ASB18: variants seen among roughly 807,000 people sequenced by gnomAD.
ASB18 encodes the protein ankyrin repeat and SOCS box containing 18, also known as ankyrin repeat and SOCS box protein 18.
Under a neutral mutation model 33.4 loss-of-function variants are expected in ASB18, and 33 were observed. That is an observed-to-expected ratio of 0.99 (90% CI 0.75 to 1.32). The LOEUF is 1.32. Among genes scored for constraint, ASB18 ranks in the 40% most tolerant of loss-of-function variants. The pLI is 0.00. For synonymous variants in ASB18, 295 were observed against 307.6 expected (o/e 0.96, Z 0.43); for missense variants, 694 against 655.5 (o/e 1.06, Z -0.64).
In ASB18 at chr2:236,196,246, G is replaced by A; in HGVS notation, c.1215+26C>T. 6.9e-6 allele frequency: 9 copies of A among 1,306,910 alleles called. No individual in the cohort carries two copies. The highest frequency in any genetic ancestry group is 9.7e-6 in the Non-Finnish European group (9 of 923,480). The allele number at this position is 1,306,910 out of a possible 1,614,324, so 81.0% of individuals were successfully genotyped here. On this transcript the variant is annotated intron_variant, in intron 5 of 5. Transcript: ENST00000409749. The surrounding 1 kb of genome is among the most constrained non-coding windows in gnomAD (Gnocchi z 5.6). ...AAACAGACAAAAGTTTTGTACTAAA[G>A]ATGGGCAGAAAGGCAGCCCTCTTGC...
In ASB18 at chr2:236,244,272, G is replaced by C. The variant is rs532860862; in HGVS notation, c.206-2870C>G. ...GAGCAGAGGCTGGAGGGAGGTGAAA[G>C]GGTCAGGAGGGCTTTGCCTGGATGA... On this transcript the variant is annotated intron_variant, in intron 1 of 5. Transcript: ENST00000409749. This position sits in a 1 kb window ranked among gnomAD's most constrained non-coding sequence, Gnocchi z 6.1. 2.0e-5 allele frequency among the ~76,000 whole-genome samples: 3 copies of C among 152,370 alleles called. No homozygotes were observed. In the East Asian group the frequency reaches 5.8e-4, roughly 29 times the overall value.
rs2060735795 is a variant in ASB18 at position 236,264,233 on chromosome 2, G to A, written c.113C>T (p.Thr38Ile). ...CACAGCGTCCACAGGCGTGATTTCAGTGCAGATTAAATCCCTCACTCTCTC... is the reference window on the plus strand; with the variant it reads ...CACAGCGTCCACAGGCGTGATTTCAATGCAGATTAAATCCCTCACTCTCTC... ...DEERVRDLIC[T>I]EITPVDAVIE... The change falls in exon 1 of 6, where the codon ACT (threonine) becomes ATT (isoleucine). Residue 38 changes from threonine to isoleucine, a missense_variant. Physicochemically the swap from Thr to Ile is moderately conservative, Grantham distance 89. Transcript: ENST00000409749. The surrounding 1 kb of genome is among the most constrained non-coding windows in gnomAD (Gnocchi z 5.1). 1 of 1,613,840 alleles carries A rather than the reference G, an allele frequency of 6.2e-7. No individual in the cohort carries two copies. The highest frequency in any genetic ancestry group is 1.3e-5 in the African/African-American group (1 of 74,922).
intron 1 of ASB18, among the ~76,000 whole-genome samples, chr2:236,243,057 G>A (rs1260849726): frequency 1.4e-5 from 2 of 139,318 alleles, no homozygotes; most frequent in Non-Finnish European, 1.5e-5. Context: ...AGGGCTGGGC[G>A]CAGTGGCTCA....
At position 236,194,938 on chromosome 2, in the gene ASB18, G is replaced by T; in HGVS notation, c.1335C>A (p.Pro445=). Residue 445 remains proline, a synonymous_variant, in exon 6 of 6, where the codon CCC becomes CCA. Transcript: ENST00000409749. This position sits in a 1 kb window ranked among gnomAD's most constrained non-coding sequence, Gnocchi z 4.5. Reference sequence around the variant, plus strand: ...GCAGGGGCTTTGGCAAGGGTAACAGGGGGATGAGGTCAAAGCACCTTTTGC... The same window carrying T: ...GCAGGGGCTTTGGCAAGGGTAACAGTGGGATGAGGTCAAAGCACCTTTTGC... The part of the protein sequence containing the change: ...LFGKRCFDLI[P]LLPLPKPLQN... 2 of 1,613,868 alleles carry T rather than the reference G, an allele frequency of 1.2e-6. No homozygotes were observed. Among genetic ancestry groups the T allele is most frequent in the Non-Finnish European group, 1.7e-6 (2 of 1,179,854 alleles).
rs1375110674 is a variant in ASB18 at position 236,205,619 on chromosome 2, ATG to A, written c.1101+8741_1101+8742del. 6.6e-6 allele frequency among the ~76,000 whole-genome samples: 1 copy of A among 152,198 alleles called. No individual in the cohort carries two copies. Among genetic ancestry groups the A allele is most frequent in the Non-Finnish European group, 1.5e-5 (1 of 68,038 alleles). On this transcript the variant is annotated intron_variant, in intron 4 of 5. Coordinates refer to ENST00000409749, the MANE Select transcript of ASB18 (RefSeq NM_212556.4). This position sits in a 1 kb window ranked among gnomAD's most constrained non-coding sequence, Gnocchi z 5.4. ...CCTTATCTGTTCACTCACTTATCCTATGTGCCTAGTATATTGCTGGGACATGA... is the reference window on the plus strand; with the variant it reads ...CCTTATCTGTTCACTCACTTATCCTATGCCTAGTATATTGCTGGGACATGA...
In ASB18 at chr2:236,221,152, C is replaced by T. The variant is rs1036825138; in HGVS notation, c.597-6286G>A. Among the ~76,000 whole-genome samples the T allele has an allele frequency of 1.3e-5, 2 of 152,140 alleles. No homozygotes were observed. Among genetic ancestry groups the T allele is most frequent in the African/African-American group, 4.8e-5 (2 of 41,434 alleles). On this transcript the variant is annotated intron_variant, in intron 3 of 5. Coordinates refer to ENST00000409749, the MANE Select transcript of ASB18 (RefSeq NM_212556.4). The surrounding 1 kb of genome is among the most constrained non-coding windows in gnomAD (Gnocchi z 5.6). Reference sequence around the variant, plus strand: ...CAGTGTGTCCTGTTTGGGATATGAACTCCAGCCCCCACTATCCAGTGGTGA... The same window carrying T: ...CAGTGTGTCCTGTTTGGGATATGAATTCCAGCCCCCACTATCCAGTGGTGA...
chr2:236,236,624 A>AG (rs143429101), intron 3 of ASB18, among the ~76,000 whole-genome samples: 29,636 of 151,578 alleles, frequency 0.2, 3,005 homozygotes, highest in South Asian at 0.25. Context: ...TGGCCCCCTG[A>AG]TCCCCCCTCT....
Position 236,209,858 on chromosome 2 carries a change from T to C in ASB18, c.1101+4504A>G, listed in dbSNP as rs2060451017. ...TCCTCTCCAACGACTAGCTCATTTT[T>C]CCAACTGCACACATTGCCGTGCCTG... On this transcript the variant is annotated intron_variant, in intron 4 of 5. Transcript: ENST00000409749. The surrounding 1 kb of genome is among the most constrained non-coding windows in gnomAD (Gnocchi z 4.4). Among the ~76,000 whole-genome samples the C allele has an allele frequency of 2.6e-5, 4 of 152,224 alleles. No individual in the cohort carries two copies. The highest frequency in any genetic ancestry group is 2.0e-4 in the Admixed American group (3 of 15,280).
Position 236,264,297 on chromosome 2 carries a change from C to T in ASB18, c.49G>A (p.Val17Met). The T allele has an allele frequency of 6.2e-7, 1 of 1,613,946 alleles. No homozygotes were observed. The highest frequency in any genetic ancestry group is 1.3e-5 in the African/African-American group (1 of 75,058). Residue 17 changes from valine (V) to methionine (M), a missense_variant, in exon 1 of 6, where the codon GTG becomes ATG. Physicochemically the swap from Val to Met is conservative, Grantham distance 21. Transcript: ENST00000409749. The surrounding 1 kb of genome is among the most constrained non-coding windows in gnomAD (Gnocchi z 5.1). ...TCCAGGGCAGACTTTAATCTCTTCACTAAATCTGAGTTGAGTGGGTAGTCG... is the reference window on the plus strand; with the variant it reads ...TCCAGGGCAGACTTTAATCTCTTCATTAAATCTGAGTTGAGTGGGTAGTCG... Reference protein sequence around the residue: ...LPDYPLNSDLVKRLKSALDAK... With the variant: ...LPDYPLNSDLMKRLKSALDAK...
At chr2:236,254,824 T>G (rs1372218878) in intron 1 of ASB18, among the ~76,000 whole-genome samples, 1 of 152,106 alleles carries the variant, frequency 6.6e-6, no homozygotes, top group Non-Finnish European at 1.5e-5. Context: ...TCATGCCAAT[T>G]ATCATTCCCA....
Position 236,250,358 on chromosome 2 carries a change from C to T in ASB18, c.206-8956G>A, listed in dbSNP as rs2060663359. The T allele has an allele frequency of 6.6e-6, 1 of 152,216 alleles. No individual in the cohort carries two copies. The highest frequency in any genetic ancestry group is 1.5e-5 in the Non-Finnish European group (1 of 68,046). 9.4% of individuals were successfully genotyped at this position (152,216 alleles called of 1,614,324 possible). A position where few individuals can be genotyped will look rare whatever the true frequency, so the allele number is the denominator to read the frequency against. ...GCTGCAGGACACCCTGCCATTTTCT[C>T]TTGTTCTTGGGGAATGGCAAATGTT... On this transcript the variant is annotated intron_variant, in intron 1 of 5. Coordinates refer to ENST00000409749, the MANE Select transcript of ASB18 (RefSeq NM_212556.4). The surrounding 1 kb of genome is among the most constrained non-coding windows in gnomAD (Gnocchi z 4.1).
chr2:236,228,062 A>G lies in ASB18; in HGVS notation c.596+9627T>C, dbSNP rs776647290. Among the ~76,000 whole-genome samples, 2 of 152,232 alleles carry G rather than the reference A, an allele frequency of 1.3e-5. No homozygotes were observed. Among genetic ancestry groups the G allele is most frequent in the African/African-American group, 2.4e-5 (1 of 41,466 alleles). On this transcript the variant is annotated intron_variant, in intron 3 of 5. Transcript: ENST00000409749. The surrounding 1 kb of genome is among the most constrained non-coding windows in gnomAD (Gnocchi z 5.1). Reference sequence around the variant, plus strand: ...TAAATGGAATTTCTATAATTTTTTCACAAGATGATACCTTTTTACATCCCA... The same window carrying G: ...TAAATGGAATTTCTATAATTTTTTCGCAAGATGATACCTTTTTACATCCCA...
rs969885342 is a variant in ASB18, at chr2:236,215,037, A to G, written c.597-171T>C. 6.6e-6 allele frequency among the ~76,000 whole-genome samples: 1 copy of G among 151,916 alleles called. No individual in the cohort carries two copies. The highest frequency in any genetic ancestry group is 2.4e-5 in the African/African-American group (1 of 41,336). On this transcript the variant is annotated intron_variant, in intron 3 of 5. Coordinates refer to ENST00000409749, the MANE Select transcript of ASB18 (RefSeq NM_212556.4). This position sits in a 1 kb window ranked among gnomAD's most constrained non-coding sequence, Gnocchi z 7.2. ...CTAAACTGGAAAAAAAAAAAAAAAA[A>G]AAGAGATTATGGCAAAACCAGCTCC...
rs908862884 is a variant in ASB18 at position 236,231,357 on chromosome 2, G to T, written c.596+6332C>A. 3.9e-5 allele frequency among the ~76,000 whole-genome samples: 6 copies of T among 152,108 alleles called. No individual in the cohort carries two copies. Among genetic ancestry groups the T allele is most frequent in the Non-Finnish European group, 2.9e-5 (2 of 68,022 alleles). On this transcript the variant is annotated intron_variant, in intron 3 of 5. Transcript: ENST00000409749. This position sits in a 1 kb window ranked among gnomAD's most constrained non-coding sequence, Gnocchi z 5.5. ...TCCCAATGTAATAGTATTAAGAGGT[G>T]GGTCATTAGGAAGTGATTAGGCCCT...
chr2:236,227,992 G>A (rs969793932), intron 3 of ASB18, among the ~76,000 whole-genome samples: 9 of 152,326 alleles, frequency 5.9e-5, no homozygotes, highest in Admixed American at 5.2e-4. Flanking sequence ...ATGCTTGCAG[G>A]AATGGAGTCA....
chr2:236,224,728 G>A (rs1253481863), intron 3 of ASB18, among the ~76,000 whole-genome samples: 2 of 152,194 alleles, frequency 1.3e-5, no homozygotes, highest in South Asian at 4.1e-4. Flanking sequence ...GCAGGCCTGA[G>A]AGGCTCAGAG....
In ASB18 at chr2:236,252,378, G is replaced by A. The variant is rs933821398; in HGVS notation, c.206-10976C>T. ...GCAGACGTGGCCACCATCAACTAGC[G>A]GTGGAATCAGATCACTGCTATATGG... On this transcript the variant is annotated intron_variant, in intron 1 of 5. Coordinates refer to ENST00000409749, the MANE Select transcript of ASB18 (RefSeq NM_212556.4). The surrounding 1 kb of genome is among the most constrained non-coding windows in gnomAD (Gnocchi z 7.9). Among the ~76,000 whole-genome samples, 12 of 151,882 alleles carry A rather than the reference G, an allele frequency of 7.9e-5. No individual in the cohort carries two copies. Among genetic ancestry groups the A allele is most frequent in the African/African-American group, 1.9e-4 (8 of 41,442 alleles).
rs199792062 is a variant in ASB18, at chr2:236,264,190, G to C, written c.156C>G (p.Asp52Glu). Residue 52 changes from aspartate to glutamate, a missense_variant, in exon 1 of 6, where the codon GAC becomes GAG. Coordinates refer to ENST00000409749, the MANE Select transcript of ASB18 (RefSeq NM_212556.4). This position sits in a 1 kb window ranked among gnomAD's most constrained non-coding sequence, Gnocchi z 5.1. ...GAGCCGAGGGGTCTTTCATCCAGTC[G>C]TCATTGGCCAGTTCTATCACAGCGT... ...PVDAVIELAN[D>E]DWMKDPSAQL... The C allele has an allele frequency of 1.9e-6, 3 of 1,613,950 alleles. No homozygotes were observed. The South Asian group carries it at 3.3e-5, about 18-fold the overall frequency.
rs139128169 is a variant in ASB18 at position 236,244,121 on chromosome 2, C to T, written c.206-2719G>A. On this transcript the variant is annotated intron_variant, in intron 1 of 5. Coordinates refer to ENST00000409749, the MANE Select transcript of ASB18 (RefSeq NM_212556.4). The surrounding 1 kb of genome is among the most constrained non-coding windows in gnomAD (Gnocchi z 6.1). ...GATTACAGGTGTGAGCCACCGTGCC[C>T]GGCCTGTTTTTCTTTCTTTCTTTCA... is the stretch of plus-strand genomic sequence containing the variant. Among the ~76,000 whole-genome samples, 456 of 152,304 alleles carry T rather than the reference C, an allele frequency of 3.0e-3. 2 individuals are homozygous for T. The highest frequency in any genetic ancestry group is 6.8e-3 in the Middle Eastern group (2 of 294).
Sources: allele counts gnomAD v4.1 joint callset (sites outside exome capture counted in the v4.1 genomes callset), GRCh38; gene constraint gnomAD v4.1.1; non-coding constraint Gnocchi (gnomAD v3.1); transcripts MANE v1.5; gene names NCBI Gene and HGNC (gene_info 2026-07-23, HGNC 2026-07-21).